ITGBL1: variants seen among roughly 807,000 people sequenced by gnomAD.
ITGBL1 encodes the protein integrin subunit beta like 1, also known as integrin beta-like protein 1.
In ITGBL1, 51 loss-of-function variants were observed where a neutral mutation model predicts 68.5. The observed-to-expected ratio is 0.74, with a 90% confidence interval of 0.59 to 0.94. The LOEUF (loss-of-function observed/expected upper bound fraction) is 0.94, where lower values mean the gene tolerates loss of function less well. ITGBL1 is among the 40% of genes least tolerant of loss of function. The pLI is 0.00. For missense variants in ITGBL1, 649 were observed against 647.4 expected (o/e 1.00, Z -0.03); for synonymous variants, 209 against 227.3 (o/e 0.92, Z 0.72).
At chr13:101,599,617 G>C (rs1240039382) in intron 7 of ITGBL1, among the ~76,000 whole-genome samples, 1 of 152,112 alleles carries the variant, frequency 6.6e-6, no homozygotes. Flanking sequence ...TTTTGTATAA[G>C]GTGTAAGGAA....
At chr13:101,474,184 C>A (rs1566690489) in intron 2 of ITGBL1, among the ~76,000 whole-genome samples, 2 of 152,128 alleles carry the variant, frequency 1.3e-5, no homozygotes, top group Non-Finnish European at 2.9e-5. Context: ...TCCTGGATGG[C>A]ATTTCTGGAC....
intron 7 of ITGBL1, among the ~76,000 whole-genome samples, chr13:101,622,036 G>A (rs913780777): frequency 6.6e-6 from 1 of 152,100 alleles, no homozygotes; most frequent in Non-Finnish European, 1.5e-5. Flanking sequence ...AAATAAGCAG[G>A]CAGGGGTTTC....
intron 2 of ITGBL1, among the ~76,000 whole-genome samples, chr13:101,463,831 G>A (rs1466238183): frequency 2.0e-5 from 3 of 151,324 alleles, no homozygotes; most frequent in Admixed American, 2.0e-4. Flanking sequence ...TGAATGTTGT[G>A]GAGACATTGG....
intron 2 of ITGBL1, among the ~76,000 whole-genome samples, chr13:101,562,693 G>A (rs2050119467): frequency 1.3e-5 from 2 of 151,878 alleles, no homozygotes; most frequent in South Asian, 4.2e-4. Context: ...CAGACTGAAA[G>A]GGGAAAAAAT....
chr13:101,548,215 A>G (rs559514229), intron 2 of ITGBL1, among the ~76,000 whole-genome samples: 150 of 152,018 alleles, frequency 9.9e-4, no homozygotes, highest in Non-Finnish European at 1.5e-3. Context: ...ATGACAATAC[A>G]AAACACTATA....
intron 7 of ITGBL1, among the ~76,000 whole-genome samples, chr13:101,644,047 T>A (rs1389443332): frequency 1.3e-5 from 2 of 152,132 alleles, no homozygotes; most frequent in Non-Finnish European, 2.9e-5. Flanking sequence ...TTGGCCCAGA[T>A]CCCTGGCTGG....
chr13:101,596,686 A>C (rs2029991344), intron 6 of ITGBL1, among the ~76,000 whole-genome samples: 1 of 152,196 alleles, frequency 6.6e-6, no homozygotes, highest in African/African-American at 2.4e-5. Context: ...ACCTTAATAA[A>C]TAGCGATCCA....
downstream of ITGBL1, chr13:101,718,794 AAC>A (rs2034817599): frequency 6.6e-6 from 1 of 151,994 alleles, no homozygotes. Flanking sequence ...AAAAAAAAAA[AAC>A]TAAAATATAA....
chr13:101,531,640 T>G (rs1345891574), intron 2 of ITGBL1, among the ~76,000 whole-genome samples: 1 of 151,692 alleles, frequency 6.6e-6, no homozygotes, highest in East Asian at 1.9e-4. Context: ...ATTTCTTAAG[T>G]AGTTTAGGTA....
At chr13:101,692,726 T>A in intron 8 of ITGBL1, 25 bp downstream of exon 8, 1 of 1,445,748 alleles carries the variant, frequency 6.9e-7, no homozygotes, top group Non-Finnish European at 9.7e-7. Context: ...CATAGCTGTA[T>A]GCTACCTGCA....
At chr13:101,481,101 C>T (rs868744013) in intron 2 of ITGBL1, among the ~76,000 whole-genome samples, 2 of 142,708 alleles carry the variant, frequency 1.4e-5, no homozygotes, top group South Asian at 2.2e-4. Context: ...TATACACACA[C>T]GTGCATGTAT....
Position 101,567,856 on chromosome 13 carries a change from T to G in ITGBL1, c.463+11T>G, listed in dbSNP as rs758247106. 1.9e-6 allele frequency: 3 copies of G among 1,603,344 alleles called. No individual in the cohort carries two copies. The highest frequency in any genetic ancestry group is 2.2e-5 in the South Asian group (2 of 89,460). On this transcript the variant is annotated intron_variant, in intron 3 of 10. Transcript: ENST00000376180. The stretch of plus-strand genomic sequence containing the variant: ...TCTGCTCTAATGCAGGTAAGAAGTA[T>G]ACCCTGTGAAAATTGTTAAGTGGAA...
chr13:101,510,981 C>G (rs2049106490), intron 2 of ITGBL1, among the ~76,000 whole-genome samples: 1 of 151,888 alleles, frequency 6.6e-6, no homozygotes, highest in African/African-American at 2.4e-5. Context: ...TTTTGCTGTG[C>G]AGAAGAAGCT....
chr13:101,598,075 T>C (rs1301794039), intron 6 of ITGBL1, 78 bp from the exon 7 acceptor site: 1 of 1,304,732 alleles, frequency 7.7e-7, no homozygotes, highest in Non-Finnish European at 1.1e-6. Context: ...TTTGTGACAT[T>C]TGCTGTTAGA....
intron 7 of ITGBL1, among the ~76,000 whole-genome samples, chr13:101,652,232 C>T (rs930641078): frequency 6.6e-6 from 1 of 152,158 alleles, no homozygotes; most frequent in South Asian, 2.1e-4. Context: ...GCCTCAAACT[C>T]ATGGACTCAA....
chr13:101,716,545 A>G (rs1313495300), downstream of ITGBL1: 1 of 152,200 alleles, frequency 6.6e-6, no homozygotes, highest in Non-Finnish European at 1.5e-5. Context: ...CATTTTTAAA[A>G]CTGGGCAGGG....
Position 101,583,289 on chromosome 13 carries a change from C to T in ITGBL1, c.801C>T (p.Asp267=), listed in dbSNP as rs1566742235. Residue 267 remains aspartate (D), a synonymous_variant, in exon 6 of 11, where the codon GAC becomes GAT. Coordinates refer to ENST00000376180, the MANE Select transcript of ITGBL1 (RefSeq NM_004791.3). ...GGGACTGGGGAGATATTCATGGGGA[C>T]ACCTGTGAATGTGATGAGAGGGACT... The part of the protein sequence containing the change: ...PTGDWGDIHG[D]TCECDERDCR... The T allele has an allele frequency of 6.2e-7, 1 of 1,612,200 alleles. No individual in the cohort carries two copies. The highest frequency in any genetic ancestry group is 2.2e-5 in the East Asian group (1 of 44,808).
chr13:101,698,705 G>A (rs905211170), intron 8 of ITGBL1, among the ~76,000 whole-genome samples: 14 of 152,130 alleles, frequency 9.2e-5, no homozygotes, highest in African/African-American at 2.2e-4. Flanking sequence ...GTGATAGTTC[G>A]TAAGATTTAT....
chr13:101,463,801 A>T (rs1490291118), intron 2 of ITGBL1, among the ~76,000 whole-genome samples: 2 of 152,236 alleles, frequency 1.3e-5, no homozygotes, highest in Non-Finnish European at 2.9e-5. Flanking sequence ...ATATTTTTAA[A>T]AATATGTAAT....
Sources: gnomAD v4.1 joint callset for allele counts (sites outside exome capture counted in the v4.1 genomes callset) on GRCh38, gnomAD v4.1.1 for gene constraint, MANE v1.5 for transcripts, NCBI Gene and HGNC (gene_info 2026-07-23, HGNC 2026-07-21) for gene names.